The following GABRG3 variants were observed in gnomAD, a reference collection of about 807,000 sequenced individuals.
The protein encoded by GABRG3 is gamma-aminobutyric acid receptor subunit gamma-3.
Under a neutral mutation model 48.8 loss-of-function variants are expected in GABRG3, and 25 were observed. The observed-to-expected ratio is 0.51, with a 90% CI of 0.37 to 0.72. GABRG3 has a LOEUF of 0.72. GABRG3 is among the 30% of genes least tolerant of loss of function. The pLI is 0.00. For missense variants in GABRG3, 394 were observed against 577.9 expected, an observed-to-expected ratio of 0.68 and a Z score of 3.26; for synonymous variants, 227 against 217.6, an observed-to-expected ratio of 1.04 and a Z score of -0.38.
chr15:27,468,199 G>C (rs1889676111), intron 5 of GABRG3, among the ~76,000 whole-genome samples: 1 of 152,206 alleles, frequency 6.6e-6, no homozygotes, highest in South Asian at 2.1e-4. Context: ...TGAAAATACA[G>C]AGATTTATCA....
chr15:27,411,253 T>G (rs1887788788), intron 5 of GABRG3, among the ~76,000 whole-genome samples: 1 of 152,106 alleles, frequency 6.6e-6, no homozygotes, highest in African/African-American at 2.4e-5. Context: ...CTGAACAAGC[T>G]CTGATTCAGG....
At chr15:27,286,205 G>A (rs140059250) in intron 3 of GABRG3, among the ~76,000 whole-genome samples, 56 of 152,246 alleles carry the variant, frequency 3.7e-4, no homozygotes, top group African/African-American at 1.2e-3. Context: ...GTACTGATAC[G>A]TATGGAGCAT....
intron 2 of GABRG3, among the ~76,000 whole-genome samples, chr15:27,025,678 G>A (rs1449008078): frequency 6.6e-6 from 1 of 152,184 alleles, no homozygotes; most frequent in African/African-American, 2.4e-5. Context: ...AGAGCTCAGA[G>A]CTGCCATTCA....
chr15:27,481,627 G>C (rs1424000726), intron 6 of GABRG3, among the ~76,000 whole-genome samples: 2 of 152,074 alleles, frequency 1.3e-5, no homozygotes, highest in Non-Finnish European at 2.9e-5. Context: ...AATTCTTGGT[G>C]CAACTGTAAA....
At chr15:27,257,788 A>G (rs938500461) in intron 3 of GABRG3, among the ~76,000 whole-genome samples, 1 of 150,498 alleles carries the variant, frequency 6.6e-6, no homozygotes, top group African/African-American at 2.4e-5. Flanking sequence ...AGCTGGGACT[A>G]TGTGCATGCA....
chr15:27,364,202 T>C (rs1895116442), intron 5 of GABRG3: 2 of 152,238 alleles, frequency 1.3e-5, no homozygotes, highest in Admixed American at 1.3e-4. Context: ...TTTTATATAT[T>C]TCAAGACGGA....
intron 9 of GABRG3, among the ~76,000 whole-genome samples, chr15:27,528,839 T>C (rs1891347803): frequency 6.6e-6 from 1 of 152,044 alleles, no homozygotes; most frequent in Admixed American, 6.6e-5. Flanking sequence ...ATATAAATTG[T>C]ATTTTATAAA....
At chr15:27,410,845 CGTGTGTGT>C (rs61423614) in intron 5 of GABRG3, among the ~76,000 whole-genome samples, 17,381 of 143,650 alleles carry the variant, frequency 0.12, 1,015 homozygotes, top group Middle Eastern at 0.21. Flanking sequence ...TGCGCACGCT[CGTGTGTGT>C]GTGTGTGTGT....
At chr15:27,508,678 C>T (rs531186388) in intron 6 of GABRG3, among the ~76,000 whole-genome samples, 1 of 152,114 alleles carries the variant, frequency 6.6e-6, no homozygotes, top group African/African-American at 2.4e-5. Context: ...TGAATTCCCT[C>T]AGTTTTTTTT....
chr15:27,154,500 G>A (rs1649154797), intron 3 of GABRG3, among the ~76,000 whole-genome samples: 1 of 152,174 alleles, frequency 6.6e-6, no homozygotes, highest in African/African-American at 2.4e-5. Context: ...AGTTGAGGAA[G>A]TTCTCCTCTG....
chr15:27,005,737 A>G (rs996941294), intron 2 of GABRG3, among the ~76,000 whole-genome samples: 2 of 152,214 alleles, frequency 1.3e-5, no homozygotes. Context: ...TTCAGAATTC[A>G]TACAGCATCA....
chr15:27,175,306 G>A (rs184522045), intron 3 of GABRG3, among the ~76,000 whole-genome samples: 65 of 152,254 alleles, frequency 4.3e-4, no homozygotes, highest in Admixed American at 1.9e-3. Flanking sequence ...CAGCCTGTGG[G>A]GCTCAGGTGT....
intron 3 of GABRG3, among the ~76,000 whole-genome samples, chr15:27,276,719 A>G (rs1891266065): frequency 6.6e-6 from 1 of 152,172 alleles, no homozygotes; most frequent in East Asian, 1.9e-4. Context: ...CTTCTTGCTC[A>G]TAGCATCTCA....
At chr15:27,318,821 CATT>C (rs1300218602) in intron 3 of GABRG3, among the ~76,000 whole-genome samples, 13 of 152,116 alleles carry the variant, frequency 8.5e-5, no homozygotes, top group Non-Finnish European at 1.6e-4. Flanking sequence ...GCAAGCCTCT[CATT>C]ATTGCTGAGT....
rs1015134021 is a variant in GABRG3, at chr15:27,332,235, G to C, written c.574+3347G>C. ...CAATAAGCAACTGAAAGTGAAGTGG[G>C]CTGGGCACAGTGGCTCATGCCTGCA... is the stretch of plus-strand genomic sequence containing the variant. On this transcript the variant is annotated intron_variant, in intron 5 of 9. Coordinates refer to ENST00000615808, the MANE Select transcript of GABRG3 (RefSeq NM_033223.5). Among the ~76,000 whole-genome samples the C allele has an allele frequency of 2.6e-5, 4 of 152,164 alleles. No homozygotes were observed. In the East Asian group the frequency reaches 7.7e-4, roughly 29 times the overall value.
At chr15:27,058,167 T>C (rs569589883) in intron 3 of GABRG3, among the ~76,000 whole-genome samples, 2 of 152,332 alleles carry the variant, frequency 1.3e-5, no homozygotes, top group African/African-American at 4.8e-5. Flanking sequence ...CTCACTATGA[T>C]AACGCATCAG....
At chr15:27,270,644 A>G (rs748099077) in intron 3 of GABRG3, among the ~76,000 whole-genome samples, 11 of 152,116 alleles carry the variant, frequency 7.2e-5, no homozygotes, top group South Asian at 2.1e-4. Context: ...GTTAGAAGGA[A>G]TAAGTTCTGG....
intron 3 of GABRG3, among the ~76,000 whole-genome samples, chr15:27,282,333 A>G (rs775021356): frequency 2.6e-5 from 4 of 152,040 alleles, no homozygotes; most frequent in Non-Finnish European, 4.4e-5. Context: ...CTTGACTCTA[A>G]TGATGTGAAT....
chr15:27,398,246 G>A (rs1218192505), intron 5 of GABRG3, among the ~76,000 whole-genome samples: 1 of 152,138 alleles, frequency 6.6e-6, no homozygotes, highest in Non-Finnish European at 1.5e-5. Context: ...TGGATGGCAA[G>A]GCCTTACATT....
Sources: gnomAD v4.1 joint callset for allele counts (sites outside exome capture counted in the v4.1 genomes callset) on GRCh38, gnomAD v4.1.1 for gene constraint, MANE v1.5 for transcripts, NCBI Gene and HGNC (gene_info 2026-07-23, HGNC 2026-07-21) for gene names.